Variants in GSR observed in about 807,000 individuals in gnomAD.
The protein encoded by GSR is glutathione reductase, mitochondrial.
Under a neutral mutation model 56.5 loss-of-function variants are expected in GSR, and 48 were observed. The observed-to-expected ratio is 0.85, with a 90% CI of 0.67 to 1.08. The LOEUF (loss-of-function observed/expected upper bound fraction) is 1.08. Ranked by LOEUF, GSR falls within the 50% of genes least tolerant of loss-of-function variation. The pLI, the probability that GSR is intolerant of heterozygous loss-of-function variation, is 0.00. For synonymous variants in GSR, 264 were observed against 270.8 expected (o/e 0.97, Z 0.25); for missense variants, 694 against 703.3 (o/e 0.99, Z 0.15).
rs779830894 is a variant in GSR, at chr8:30,684,160, C to T, written c.1081G>A (p.Glu361Lys). Residue 361 changes from glutamate to lysine, a missense_variant, in exon 10 of 13, where the codon GAA becomes AAA. Coordinates refer to ENST00000221130, the MANE Select transcript of GSR (RefSeq NM_000637.5). ...CCTTTGACGTTGGTATTCTGGAATT[C>T]GTCTACGATGATATGACCCTTGTCA... is the stretch of plus-strand genomic sequence containing the variant. ...TDDKGHIIVD[E>K]FQNTNVKGIY... 40 of 1,609,424 alleles carry T rather than the reference C, an allele frequency of 2.5e-5. No individual in the cohort carries two copies. The Admixed American group carries it at 3.7e-4, about 15-fold the overall frequency.
Position 30,679,383 on chromosome 8 carries a change from C to T in GSR, c.*137G>A. ...CTCCATAAATAAGTTCTATTATGTA[C>T]TAAAAATTTCCACTATCAGAAGATC... On this transcript the variant is annotated 3_prime_UTR_variant, in exon 13 of 13. Transcript: ENST00000221130. 1 of 830,282 alleles carries T rather than the reference C, an allele frequency of 1.2e-6. No individual in the cohort carries two copies. Among genetic ancestry groups the T allele is most frequent in the East Asian group, 2.7e-5 (1 of 37,610 alleles). 51.4% of individuals were successfully genotyped at this position (830,282 alleles called of 1,614,324 possible).
chr8:30,727,571 T>C lies in GSR; in HGVS notation c.265A>G (p.Arg89Gly), dbSNP rs952332304. 1.3e-6 allele frequency: 2 copies of C among 1,534,548 alleles called. No homozygotes were observed. Among genetic ancestry groups the C allele is most frequent in the East Asian group, 2.5e-5 (1 of 40,402 alleles). The change falls in exon 1 of 13, where the codon AGG becomes GGG. Residue 89 changes from arginine to glycine, a missense_variant. By Grantham distance (125) the Arg-to-Gly change is moderately radical (BLOSUM62 -2). Transcript: ENST00000221130. The part of the protein sequence containing the change: ...SARRAAELGA[R>G]AAVVESHKLG... ...TTGTGGCTCTCCACCACGGCGGCCC[T>C]GGCACCCAGCTCGGCCGCCCTGCGC... is the stretch of plus-strand genomic sequence containing the variant.
intron 9 of GSR, among the ~76,000 whole-genome samples, chr8:30,687,200 A>G (rs977676343): frequency 1.3e-5 from 2 of 152,170 alleles, no homozygotes; most frequent in African/African-American, 4.8e-5. Context: ...ATAAGATTAC[A>G]AACAATCAAA....
chr8:30,706,799 C>A (rs1236795906), intron 4 of GSR, among the ~76,000 whole-genome samples: 4 of 152,128 alleles, frequency 2.6e-5, no homozygotes, highest in African/African-American at 9.7e-5. Context: ...CCTTCTGAAT[C>A]CTAATTTGGT....
rs374364330 is a variant in GSR, at chr8:30,712,092, G to GA, written c.307-5dup. 81,112 of 1,020,130 alleles carry GA rather than the reference G, an allele frequency of 0.08. 25 individuals carry two copies. Among genetic ancestry groups the GA allele is most frequent in the South Asian group, 0.088 (4,960 of 56,484 alleles). The allele number at this position is 1,020,130 out of a possible 1,614,324, so 63.2% of individuals were successfully genotyped here. A position where few individuals can be genotyped will look rare whatever the true frequency, so the allele number is the denominator to read the frequency against. On this transcript the variant is annotated splice_region_variant and splice_polypyrimidine_tract_variant and intron_variant, in intron 1 of 12. Transcript: ENST00000221130. ...TGGGTACACATCCAACATTCACCTG[G>GA]AAAAAAAAAAAAGAGACACACTTTA...
At chr8:30,699,861 C>T (rs1803668385) in intron 6 of GSR, among the ~76,000 whole-genome samples, 1 of 152,038 alleles carries the variant, frequency 6.6e-6, no homozygotes, top group Non-Finnish European at 1.5e-5. Context: ...TTCAAATTAC[C>T]CTGCATTTGA....
At chr8:30,689,453 G>A in intron 8 of GSR, 134 bp from the exon 9 acceptor site, 1 of 776,078 alleles carries the variant, frequency 1.3e-6, no homozygotes, top group South Asian at 1.5e-5. Context: ...TACAAAGATA[G>A]ACATAAACTT....
intron 6 of GSR, among the ~76,000 whole-genome samples, chr8:30,698,166 C>T (rs747872460): frequency 6.6e-6 from 1 of 152,062 alleles, no homozygotes; most frequent in Non-Finnish European, 1.5e-5. Flanking sequence ...ATGTACTTGC[C>T]CAGTTATTAC....
Position 30,708,125 on chromosome 8 carries a change from G to C in GSR, c.439C>G (p.Arg147Gly), listed in dbSNP as rs150594097. Residue 147 changes from arginine to glycine, a missense_variant, in exon 4 of 13, where the codon CGG becomes GGG. Arg to Gly is a moderately radical substitution (Grantham distance 125, BLOSUM62 -2). Coordinates refer to ENST00000221130, the MANE Select transcript of GSR (RefSeq NM_000637.5). ...TTCAGGCGGCTCACATAGGCATCCCGCTTTTCCTTAATAACACTGCAATGA... is the reference window on the plus strand; with the variant it reads ...TTCAGGCGGCTCACATAGGCATCCCCCTTTTCCTTAATAACACTGCAATGA... ...KFNWRVIKEK[R>G]DAYVSRLNAI... is the part of the protein sequence containing the mutation. 4.0e-4 allele frequency: 643 copies of C among 1,611,798 alleles called. No individual in the cohort carries two copies. Among genetic ancestry groups the C allele is most frequent in the Non-Finnish European group, 5.1e-4 (605 of 1,178,108 alleles).
chr8:30,695,002 G>T (rs1003448488), intron 7 of GSR, among the ~76,000 whole-genome samples: 4 of 151,686 alleles, frequency 2.6e-5, no homozygotes, highest in African/African-American at 9.7e-5. Flanking sequence ...TCAGAAGGCT[G>T]CAGTGAGCTA....
chr8:30,685,442 C>A (rs561973291), intron 9 of GSR, among the ~76,000 whole-genome samples: 2 of 152,102 alleles, frequency 1.3e-5, no homozygotes, highest in Non-Finnish European at 2.9e-5. Context: ...ATCCAAGCAA[C>A]TTTTGCACTC....
At chr8:30,726,287 C>T (rs1433396760) in intron 1 of GSR, among the ~76,000 whole-genome samples, 3 of 152,156 alleles carry the variant, frequency 2.0e-5, no homozygotes, top group Admixed American at 2.0e-4. Flanking sequence ...CACACAAACA[C>T]AGAAGCCCAT....
At chr8:30,692,495 C>CTTTTTTTTTTTTTTTT (rs71206280) in intron 8 of GSR, among the ~76,000 whole-genome samples, 1 of 59,062 alleles carries the variant, frequency 1.7e-5, no homozygotes, top group Non-Finnish European at 2.8e-5. Flanking sequence ...CACACCCAGA[C>CTTTTTTTTTTTTTTTT]TTTTTTTTTT....
intron 2 of GSR, among the ~76,000 whole-genome samples, chr8:30,710,545 C>A (rs1804093367): frequency 6.7e-6 from 1 of 150,288 alleles, no homozygotes; most frequent in South Asian, 2.1e-4. Flanking sequence ...GGTGAAATCT[C>A]ATTTCTAATA....
At chr8:30,690,094 TAAATA>T (rs1803326191) in intron 8 of GSR, among the ~76,000 whole-genome samples, 1 of 143,324 alleles carries the variant, frequency 7.0e-6, no homozygotes, top group Non-Finnish European at 1.5e-5. Flanking sequence ...TATAAATATA[TAAATA>T]AAATATACAT....
intron 9 of GSR, among the ~76,000 whole-genome samples, chr8:30,688,295 C>T (rs748636704): frequency 2.0e-5 from 3 of 152,102 alleles, no homozygotes; most frequent in Non-Finnish European, 4.4e-5. Context: ...AGGTGGCAGG[C>T]CGGCTGGGCA....
chr8:30,701,168 G>C (rs527325984), intron 5 of GSR, among the ~76,000 whole-genome samples: 1 of 152,186 alleles, frequency 6.6e-6, no homozygotes, highest in Admixed American at 6.5e-5. Flanking sequence ...TTTCTCATCA[G>C]TTATTAAATA....
intron 1 of GSR, among the ~76,000 whole-genome samples, chr8:30,714,717 G>C (rs912585921): frequency 6.6e-6 from 1 of 151,822 alleles, no homozygotes; most frequent in African/African-American, 2.4e-5. Flanking sequence ...TATAAAAATA[G>C]AGACAAGGTC....
intron 2 of GSR, among the ~76,000 whole-genome samples, chr8:30,710,885 T>TA (rs910651307): frequency 3.3e-5 from 5 of 150,734 alleles, no homozygotes; most frequent in East Asian, 1.9e-4. Context: ...GTGGTATATT[T>TA]AAAAAAAAAT....
Sources: gnomAD v4.1 joint callset for allele counts (sites outside exome capture counted in the v4.1 genomes callset) on GRCh38, gnomAD v4.1.1 for gene constraint, MANE v1.5 for transcripts, NCBI Gene and HGNC (gene_info 2026-07-23, HGNC 2026-07-21) for gene names.